Variants in RBM26 observed in about 807,000 individuals in gnomAD.
RBM26 encodes the protein RNA-binding protein 26.
A neutral mutation model predicts 123.6 loss-of-function variants in RBM26; 30 were observed. That is an observed-to-expected ratio of 0.24 (90% CI 0.18 to 0.33). The LOEUF (loss-of-function observed/expected upper bound fraction) is 0.33, where lower values mean the gene tolerates loss of function less well. Among genes scored for constraint, RBM26 ranks in the 10% least tolerant of loss-of-function variants. The pLI is 1.00. For missense variants in RBM26, 947 were observed against 1,203.6 expected, an observed-to-expected ratio of 0.79 and a Z score of 3.15; for synonymous variants, 400 against 404.4, an observed-to-expected ratio of 0.99 and a Z score of 0.13.
chr13:79,360,103 A>G (rs1449550356), intron 9 of RBM26, among the ~76,000 whole-genome samples: 1 of 152,136 alleles, frequency 6.6e-6, no homozygotes, highest in African/African-American at 2.4e-5. Context: ...GACCATTCAC[A>G]TAACTTTTAT....
chr13:79,355,486 T>G (rs763224901), intron 11 of RBM26, 102 bp from the exon 12 acceptor site: 4 of 839,236 alleles, frequency 4.8e-6, no homozygotes, highest in Non-Finnish European at 7.4e-6. Context: ...CCAAGTAAGA[T>G]TCTGTATTTA....
intron 14 of RBM26, among the ~76,000 whole-genome samples, chr13:79,352,572 A>G (rs769356459): frequency 3.9e-5 from 6 of 152,134 alleles, no homozygotes; most frequent in Non-Finnish European, 8.8e-5. Flanking sequence ...AAATGACTAT[A>G]TGTATTGCTA....
At chr13:79,322,089 A>T (rs1406761771) in intron 21 of RBM26, among the ~76,000 whole-genome samples, 1 of 151,568 alleles carries the variant, frequency 6.6e-6, no homozygotes, top group Admixed American at 6.6e-5. Context: ...TAAAAATCTA[A>T]TGAATAATCA....
intron 10 of RBM26, 99 bp from the exon 11 acceptor site, chr13:79,358,532 C>CA: frequency 2.2e-6 from 2 of 924,320 alleles, no homozygotes; most frequent in Non-Finnish European, 3.2e-6. Flanking sequence ...CAATTAAGTT[C>CA]AATTTTCCCC....
chr13:79,332,896 T>C (rs150571769), intron 20 of RBM26, among the ~76,000 whole-genome samples: 2 of 152,278 alleles, frequency 1.3e-5, no homozygotes, highest in African/African-American at 4.8e-5. Flanking sequence ...CTCAGCCATA[T>C]AAGCAAGCAA....
At chr13:79,360,571 CA>C (rs1244252479) in intron 9 of RBM26, among the ~76,000 whole-genome samples, 1 of 151,922 alleles carries the variant, frequency 6.6e-6, no homozygotes, top group African/African-American at 2.4e-5. Flanking sequence ...ATCAAATGCA[CA>C]ATCTAAAAGA....
rs780330319 is a variant in RBM26, at chr13:79,366,725, G to T, written c.1043C>A (p.Pro348Gln). The T allele has an allele frequency of 1.2e-5, 19 of 1,611,652 alleles. No homozygotes were observed. Among genetic ancestry groups the T allele is most frequent in the South Asian group, 7.7e-5 (7 of 90,866 alleles). Residue 348 changes from proline (P) to glutamine (Q), a missense_variant, in exon 7 of 22, where the codon CCA becomes CAA. Physicochemically the swap from Pro to Gln is moderately conservative, Grantham distance 76. Transcript: ENST00000438737. ...TGGGGGTGTAAGAATTGGTGGAGGT[G>T]GGGGGAGTCCAGGAGGAGGTGGTCC... ...VEGPPPPGLP[P>Q]PPPILTPPPV...
intron 3 of RBM26, among the ~76,000 whole-genome samples, chr13:79,372,798 AAT>A (rs1457490433): frequency 8.0e-6 from 1 of 124,438 alleles, no homozygotes; most frequent in African/African-American, 3.4e-5. Flanking sequence ...TATATATTAT[AAT>A]TATATGATAT....
Position 79,367,427 on chromosome 13 carries a change from AAAAAAG to A in RBM26, c.896-561_896-556del, listed in dbSNP as rs1412036836. ...ATCTCAAAAAAAAAAAAAAAAAAAA[AAAAAAG>A]AAGAAGAAGAGGCAAAAGAGAGAAA... On this transcript the variant is annotated intron_variant, in intron 6 of 21. Coordinates refer to ENST00000438737, the MANE Select transcript of RBM26 (RefSeq NM_001366735.2). Among the ~76,000 whole-genome samples, 47 of 41,792 alleles carry A rather than the reference AAAAAAG, an allele frequency of 1.1e-3. 2 individuals are homozygous for A. In the East Asian group the frequency reaches 0.017, roughly 15 times the overall value. The allele number at this position is 41,792 out of a possible 152,430, so 27.4% of individuals were successfully genotyped here.
At position 79,365,636 on chromosome 13, in the gene RBM26, A is replaced by G. The variant is rs373175450; in HGVS notation, c.1359T>C (p.His453=). ...GTCCTATCAAGTTGGGCCTTTGTGC[A>G]TGCACTCTGTGTCTATACATAGGTC... The part of the protein sequence containing the change: ...TSRPMYRHRV[H]AQRPNLIGLT... Residue 453 remains histidine (H), a synonymous_variant, in exon 9 of 22, where the codon CAT becomes CAC. Coordinates refer to ENST00000438737, the MANE Select transcript of RBM26 (RefSeq NM_001366735.2). 1.2e-6 allele frequency: 2 copies of G among 1,613,834 alleles called. No individual in the cohort carries two copies. The highest frequency in any genetic ancestry group is 1.3e-5 in the African/African-American group (1 of 74,910).
At chr13:79,385,746 A>G (rs139696589) in intron 1 of RBM26, among the ~76,000 whole-genome samples, 290 of 152,328 alleles carry the variant, frequency 1.9e-3, no homozygotes, top group Non-Finnish European at 3.1e-3. Context: ...TAATCAGAAG[A>G]AGAATTTATG....
At chr13:79,372,734 TTATG>T (rs1178025434) in intron 3 of RBM26, among the ~76,000 whole-genome samples, 1 of 141,954 alleles carries the variant, frequency 7.0e-6, no homozygotes, top group Non-Finnish European at 1.5e-5. Context: ...TTATATATAT[TTATG>T]TATCATATTG....
At chr13:79,373,588 AC>A (rs2076336138) in intron 3 of RBM26, among the ~76,000 whole-genome samples, 1 of 104,960 alleles carries the variant, frequency 9.5e-6, no homozygotes, top group South Asian at 2.6e-4. Flanking sequence ...TTTATATATT[AC>A]TATATATATT....
Position 79,366,309 on chromosome 13 carries a change from A to G in RBM26, c.1136-114T>C. ...CAAACTATAATATCTACAAACACCA[A>G]GCCCTTACAACTGAATTAGATATCC... On this transcript the variant is annotated intron_variant, in intron 7 of 21. Coordinates refer to ENST00000438737, the MANE Select transcript of RBM26 (RefSeq NM_001366735.2). 3.5e-6 allele frequency: 4 copies of G among 1,145,662 alleles called. No homozygotes were observed. In the East Asian group the frequency reaches 1.0e-4, roughly 29 times the overall value. The allele number at this position is 1,145,662 out of a possible 1,614,324, so 71.0% of individuals were successfully genotyped here.
At chr13:79,405,261 G>A (rs2079429249) in intron 1 of RBM26, among the ~76,000 whole-genome samples, 1 of 152,170 alleles carries the variant, frequency 6.6e-6, no homozygotes, top group South Asian at 2.1e-4. Context: ...ACAGCACATG[G>A]GAGACGTGGC....
At position 79,341,011 on chromosome 13, in the gene RBM26, G is replaced by T. The variant is rs1314085850; in HGVS notation, c.2532+112C>A. The T allele has an allele frequency of 5.1e-6, 3 of 591,680 alleles. No individual in the cohort carries two copies. In the African/African-American group the frequency reaches 5.8e-5, roughly 11 times the overall value. The allele number at this position is 591,680 out of a possible 1,614,324, so 36.7% of individuals were successfully genotyped here. A position where few individuals can be genotyped will look rare whatever the true frequency, so the allele number is the denominator to read the frequency against. Reference sequence around the variant, plus strand: ...TTAACATCTCAATATGTATGCCAGGGATTACCAACAATTACTAATGAGAAT... The same window carrying T: ...TTAACATCTCAATATGTATGCCAGGTATTACCAACAATTACTAATGAGAAT... On this transcript the variant is annotated intron_variant, in intron 18 of 21. Coordinates refer to ENST00000438737, the MANE Select transcript of RBM26 (RefSeq NM_001366735.2).
At chr13:79,400,373 G>T (rs1012473830) in intron 1 of RBM26, among the ~76,000 whole-genome samples, 1 of 152,120 alleles carries the variant, frequency 6.6e-6, no homozygotes, top group Non-Finnish European at 1.5e-5. Context: ...TGCATCCTCC[G>T]GAGTTCCTCC....
Position 79,337,169 on chromosome 13 carries a change from C to A in RBM26, c.2666G>T (p.Arg889Leu). The change falls in exon 19 of 22, where the codon CGT becomes CTT. Residue 889 changes from arginine (R) to leucine (L), a missense_variant. Around this residue, in one of 5 missense-constraint regions of RBM26, gnomAD observed 164 missense variants for 215.3 expected, o/e 0.76. Transcript: ENST00000438737. ...GVPGHAVVDHRPRALEISAFT... is the reference protein window; with the variant it reads ...GVPGHAVVDHLPRALEISAFT... ...TGCAGAAATCTCCAATGCCCTGGGA[C>A]GGTGATCCACCACAGCATGACCAGG... 1 of 1,614,096 alleles carries A rather than the reference C, an allele frequency of 6.2e-7. No individual in the cohort carries two copies. The highest frequency in any genetic ancestry group is 8.5e-7 in the Non-Finnish European group (1 of 1,180,010).
chr13:79,400,043 T>C (rs1359614041), intron 1 of RBM26, among the ~76,000 whole-genome samples: 1 of 152,116 alleles, frequency 6.6e-6, no homozygotes, highest in African/African-American at 2.4e-5. Context: ...TGGAATCCAT[T>C]AACAAGCTCA....
Sources: allele counts gnomAD v4.1 joint callset (sites outside exome capture counted in the v4.1 genomes callset), GRCh38; gene constraint gnomAD v4.1.1; regional missense constraint gnomAD v4.1.1; transcripts MANE v1.5; gene names NCBI Gene and HGNC (gene_info 2026-07-23, HGNC 2026-07-21).